Variants in POU6F2 observed in about 807,000 individuals in gnomAD.
POU6F2 encodes POU class 6 homeobox 2.
POU6F2 carries 31 observed loss-of-function variants against 71.3 expected under a neutral mutation model. The observed-to-expected ratio is 0.43, with a 90% confidence interval of 0.33 to 0.59. The LOEUF (loss-of-function observed/expected upper bound fraction) is 0.59, where lower values mean the gene tolerates loss of function less well. Among genes scored for constraint, POU6F2 ranks in the 20% least tolerant of loss-of-function variants. POU6F2 has a pLI of 0.04. For missense variants in POU6F2, 783 were observed against 856.8 expected (o/e 0.91, Z 1.07); for synonymous variants, 347 against 355.7 (o/e 0.98, Z 0.27).
At chr7:39,357,466 G>A (rs1433456093) in intron 5 of POU6F2, among the ~76,000 whole-genome samples, 1 of 152,182 alleles carries the variant, frequency 6.6e-6, no homozygotes, top group East Asian at 1.9e-4. Context: ...GCTGGAGTTT[G>A]AGCCCCGGTC....
At position 39,361,082 on chromosome 7, in the gene POU6F2, A is replaced by G. The variant is rs183974212; in HGVS notation, c.972+21067A>G. Among the ~76,000 whole-genome samples, 1,300 of 152,252 alleles carry G rather than the reference A, an allele frequency of 8.5e-3. 7 individuals carry two copies. The highest frequency in any genetic ancestry group is 0.014 in the Non-Finnish European group (930 of 68,016). ...ACAGGAAAGAAAGAACATACCCCAA[A>G]CAGGCAAAAGGTTTTAATCTAATGA... On this transcript the variant is annotated intron_variant, in intron 5 of 9. Coordinates refer to ENST00000518318, the MANE Select transcript of POU6F2 (RefSeq NM_001370959.1).
At chr7:39,247,450 C>CAAAGA (rs1317892314) in intron 4 of POU6F2, among the ~76,000 whole-genome samples, 1 of 150,352 alleles carries the variant, frequency 6.7e-6, no homozygotes, top group Non-Finnish European at 1.5e-5. Flanking sequence ...GACTCTGTCT[C>CAAAGA]AAAGAAAAAA....
intron 4 of POU6F2, among the ~76,000 whole-genome samples, chr7:39,308,424 G>T (rs1306137011): frequency 6.6e-6 from 1 of 152,176 alleles, no homozygotes; most frequent in African/African-American, 2.4e-5. Flanking sequence ...TCCCATGAGG[G>T]GCCCTGGGAC....
intron 4 of POU6F2, among the ~76,000 whole-genome samples, chr7:39,306,300 G>A (rs1261867191): frequency 6.6e-6 from 1 of 152,186 alleles, no homozygotes; most frequent in Non-Finnish European, 1.5e-5. Flanking sequence ...ACTCACAAAG[G>A]AAATAATAGC....
intron 2 of POU6F2, among the ~76,000 whole-genome samples, chr7:39,119,856 C>T (rs971972411): frequency 1.3e-5 from 2 of 152,136 alleles, no homozygotes; most frequent in Non-Finnish European, 2.9e-5. Flanking sequence ...ATATGTCATA[C>T]CTGGTTCAAA....
intron 5 of POU6F2, among the ~76,000 whole-genome samples, chr7:39,369,654 AT>A (rs1786570063): frequency 6.6e-6 from 1 of 152,080 alleles, no homozygotes; most frequent in Non-Finnish European, 1.5e-5. Flanking sequence ...ATGAGCCACC[AT>A]GCCCAGTCAA....
intron 4 of POU6F2, among the ~76,000 whole-genome samples, chr7:39,308,508 A>T (rs1419384525): frequency 6.6e-6 from 1 of 152,202 alleles, no homozygotes; most frequent in Non-Finnish European, 1.5e-5. Flanking sequence ...TCTAGAACCC[A>T]CGGAAAGTTG....
Position 39,133,874 on chromosome 7 carries a change from A to T in POU6F2, c.277+47843A>T, listed in dbSNP as rs192515266. Among the ~76,000 whole-genome samples the T allele has an allele frequency of 3.0e-3, 460 of 152,094 alleles. 4 individuals carry two copies. The highest frequency in any genetic ancestry group is 0.011 in the African/African-American group (436 of 41,504). On this transcript the variant is annotated intron_variant, in intron 2 of 9. Transcript: ENST00000518318. ...AAATACCTTAGAAATAAATGCATAA[A>T]TTTTTTTCTTTCTGTTTTTTTAGAC...
intron 7 of POU6F2, among the ~76,000 whole-genome samples, chr7:39,449,830 G>C (rs944211726): frequency 1.3e-5 from 2 of 152,066 alleles, no homozygotes; most frequent in African/African-American, 4.8e-5. Context: ...CTCAAAAACA[G>C]TATGCCAAGC....
chr7:39,017,960 T>C (rs558227026), intron 1 of POU6F2, among the ~76,000 whole-genome samples: 1 of 152,162 alleles, frequency 6.6e-6, no homozygotes, highest in Admixed American at 6.6e-5. Flanking sequence ...CTATTAGTTA[T>C]ACCTCATTTC....
rs138744344 is a variant in POU6F2, at chr7:39,273,164, C to A, written c.598+65544C>A. On this transcript the variant is annotated intron_variant, in intron 4 of 9. Transcript: ENST00000518318. ...AAATAACATATAGAGATATTCCACA[C>A]CCTCCAGGATGGGGAACATAATTCT... Among the ~76,000 whole-genome samples the A allele has an allele frequency of 5.3e-3, 809 of 152,202 alleles. 10 individuals are homozygous for A. Among genetic ancestry groups the A allele is most frequent in the African/African-American group, 0.018 (738 of 41,516 alleles).
intron 1 of POU6F2, among the ~76,000 whole-genome samples, chr7:38,998,140 CCCT>C (rs1788791911): frequency 6.6e-6 from 1 of 152,184 alleles, no homozygotes; most frequent in South Asian, 2.1e-4. Flanking sequence ...TTTTATCTTT[CCCT>C]CCTCTATTTA....
In POU6F2 at chr7:39,332,552, A is replaced by G. The variant is rs548242485; in HGVS notation, c.599-7090A>G. Among the ~76,000 whole-genome samples, 14 of 152,330 alleles carry G rather than the reference A, an allele frequency of 9.2e-5. No individual in the cohort carries two copies. The South Asian group carries it at 1.7e-3, about 18-fold the overall frequency. On this transcript the variant is annotated intron_variant, in intron 4 of 9. Coordinates refer to ENST00000518318, the MANE Select transcript of POU6F2 (RefSeq NM_001370959.1). ...CTTCGTCTGCTCTGGCCCTGGCCAG[A>G]CAGTTGAGTTAGCAATAGAATTCTT...
At chr7:39,258,927 C>CG (rs1784080057) in intron 4 of POU6F2, among the ~76,000 whole-genome samples, 1 of 152,196 alleles carries the variant, frequency 6.6e-6, no homozygotes, top group Non-Finnish European at 1.5e-5. Context: ...ACATATTACA[C>CG]TTCTCCCAGT....
intron 2 of POU6F2, among the ~76,000 whole-genome samples, chr7:39,152,101 G>A (rs189376060): frequency 9.9e-4 from 150 of 152,228 alleles, no homozygotes; most frequent in African/African-American, 3.3e-3. Context: ...GCAGTGAACC[G>A]TGAGTTTTAG....
intron 1 of POU6F2, among the ~76,000 whole-genome samples, chr7:39,030,947 C>T (rs975607891): frequency 1.3e-5 from 2 of 152,092 alleles, no homozygotes; most frequent in African/African-American, 4.8e-5. Context: ...TGTCACCGGG[C>T]TGGAGGGCAG....
chr7:39,438,119 C>T (rs188299388), intron 7 of POU6F2, among the ~76,000 whole-genome samples: 42 of 152,208 alleles, frequency 2.8e-4, no homozygotes, highest in African/African-American at 8.4e-4. Context: ...CAACAGGCCC[C>T]GGTGTGTGAT....
intron 1 of POU6F2, among the ~76,000 whole-genome samples, chr7:39,026,475 T>C (rs951002755): frequency 2.6e-5 from 4 of 152,074 alleles, no homozygotes; most frequent in African/African-American, 9.7e-5. Context: ...TTGGAAATCA[T>C]CATTCTCAGT....
intron 6 of POU6F2, among the ~76,000 whole-genome samples, chr7:39,431,125 C>T (rs1006607272): frequency 6.6e-6 from 1 of 152,144 alleles, no homozygotes; most frequent in East Asian, 1.9e-4. Context: ...GCTGATGCTG[C>T]GGGCCAGGCA....
Sources: gnomAD v4.1 joint callset for allele counts (sites outside exome capture counted in the v4.1 genomes callset) on GRCh38, gnomAD v4.1.1 for gene constraint, MANE v1.5 for transcripts, NCBI Gene and HGNC (gene_info 2026-07-23, HGNC 2026-07-21) for gene names.